PTPRQ: variants seen among roughly 807,000 people sequenced by gnomAD.
The protein encoded by PTPRQ is phosphatidylinositol phosphatase PTPRQ.
Under a neutral mutation model 246.0 loss-of-function variants are expected in PTPRQ, and 199 were observed. The observed-to-expected ratio is 0.81, with a 90% CI of 0.72 to 0.91. PTPRQ has a LOEUF of 0.91. Ranked by LOEUF, PTPRQ falls within the 40% of genes least tolerant of loss-of-function variation. The pLI is 0.00. For synonymous variants in PTPRQ, 869 were observed against 853.2 expected (o/e 1.02, Z -0.32); for missense variants, 2,624 against 2,528.4 (o/e 1.04, Z -0.81).
chr12:80,578,118 G>A (rs1268421275), intron 25 of PTPRQ, among the ~76,000 whole-genome samples: 3 of 150,494 alleles, frequency 2.0e-5, no homozygotes, highest in African/African-American at 4.9e-5. Flanking sequence ...TGTGCACAAC[G>A]TGCAGGTTTG....
chr12:80,482,271 G>C (rs1046688018), intron 8 of PTPRQ, among the ~76,000 whole-genome samples: 12 of 150,954 alleles, frequency 7.9e-5, no homozygotes, highest in African/African-American at 2.9e-4. Flanking sequence ...ACAAGCAATG[G>C]GGAAAGGATT....
chr12:80,531,667 A>G (rs1048237314), intron 17 of PTPRQ, among the ~76,000 whole-genome samples: 1 of 152,240 alleles, frequency 6.6e-6, no homozygotes, highest in Non-Finnish European at 1.5e-5. Flanking sequence ...TATCAGTTTT[A>G]TAGCAAATAA....
chr12:80,542,370 C>A lies in PTPRQ; in HGVS notation c.3721+6C>A. ...CTTTTACACAGATGAGTCAGGTAAGCCAGAATCCACATTTCTTCAAACAAT... is the reference window on the plus strand; with the variant it reads ...CTTTTACACAGATGAGTCAGGTAAGACAGAATCCACATTTCTTCAAACAAT... On this transcript the variant is annotated splice_donor_region_variant and intron_variant, in intron 22 of 44. Transcript: ENST00000644991. 6.6e-7 allele frequency: 1 copy of A among 1,522,662 alleles called. No homozygotes were observed. The highest frequency in any genetic ancestry group is 8.8e-7 in the Non-Finnish European group (1 of 1,140,248). 94.3% of individuals were successfully genotyped at this position (1,522,662 alleles called of 1,614,324 possible). A position where few individuals can be genotyped will look rare whatever the true frequency, so the allele number is the denominator to read the frequency against.
intron 43 of PTPRQ, among the ~76,000 whole-genome samples, chr12:80,677,561 A>C (rs1276225191): frequency 1.3e-5 from 2 of 152,234 alleles, no homozygotes; most frequent in Admixed American, 6.5e-5. Flanking sequence ...TATTATAGGT[A>C]ATCAGAATAT....
chr12:80,529,052 C>T (rs942275744), intron 17 of PTPRQ, among the ~76,000 whole-genome samples: 7 of 152,128 alleles, frequency 4.6e-5, no homozygotes, highest in African/African-American at 1.7e-4. Flanking sequence ...GCTAGAACAG[C>T]TTTAGGAATG....
Position 80,496,349 on chromosome 12 carries a change from TTGCTTATGAAG to T in PTPRQ, c.2095_2105del (p.Tyr699IlefsTer2). 6.4e-7 allele frequency: 1 copy of T among 1,550,836 alleles called. No individual in the cohort carries two copies. Among genetic ancestry groups the T allele is most frequent in the Non-Finnish European group, 8.7e-7 (1 of 1,146,486 alleles). On this transcript the variant is annotated frameshift_variant, in exon 14 of 45. Transcript: ENST00000644991. LOFTEE classifies it high-confidence loss of function. ...CCCGAAAAGCCCAATGGGATCATTA[TTGCTTATGAAG>T]TGCTATATAAAAATATAGATACTTT...
intron 42 of PTPRQ, among the ~76,000 whole-genome samples, chr12:80,671,382 G>T (rs1372907539): frequency 6.6e-6 from 1 of 151,952 alleles, no homozygotes; most frequent in African/African-American, 2.4e-5. Flanking sequence ...TTTTATGCTG[G>T]CATCACTGAT....
At chr12:80,455,764 C>T (rs950493804) in intron 3 of PTPRQ, among the ~76,000 whole-genome samples, 4 of 129,400 alleles carry the variant, frequency 3.1e-5, no homozygotes, top group Admixed American at 7.5e-5. Context: ...CTAATTTTTT[C>T]GTATTTTATT....
intron 19 of PTPRQ, among the ~76,000 whole-genome samples, chr12:80,535,745 C>A (rs1565771028): frequency 6.6e-6 from 1 of 152,152 alleles, no homozygotes; most frequent in Non-Finnish European, 1.5e-5. Flanking sequence ...TTTCACAGAA[C>A]TCTAACATAT....
At position 80,542,727 on chromosome 12, in the gene PTPRQ, C is replaced by T; in HGVS notation, c.3722-3C>T. ...GTAAGTTTCTTCATGTGTTTTCCTA[C>T]AGTGCCGTTAGCACCTCCACAAAAT... On this transcript the variant is annotated splice_polypyrimidine_tract_variant and splice_region_variant and intron_variant, in intron 22 of 44. Transcript: ENST00000644991. 6.5e-7 allele frequency: 1 copy of T among 1,534,474 alleles called. No individual in the cohort carries two copies. Among genetic ancestry groups the T allele is most frequent in the Non-Finnish European group, 8.8e-7 (1 of 1,141,456 alleles).
intron 9 of PTPRQ, among the ~76,000 whole-genome samples, chr12:80,485,337 C>A (rs1894238129): frequency 6.6e-6 from 1 of 152,114 alleles, no homozygotes; most frequent in African/African-American, 2.4e-5. Context: ...ACTGGCTGCT[C>A]CCCGGGGCAT....
At chr12:80,472,037 T>A in intron 7 of PTPRQ, 68 bp from the exon 8 acceptor site, 1 of 1,533,412 alleles carries the variant, frequency 6.5e-7, no homozygotes, top group Middle Eastern at 1.7e-4. Context: ...TTTGGCTCTG[T>A]ACTTAAATGT....
intron 14 of PTPRQ, among the ~76,000 whole-genome samples, chr12:80,505,204 G>T (rs1195777862): frequency 6.6e-6 from 1 of 151,810 alleles, no homozygotes; most frequent in Non-Finnish European, 1.5e-5. Context: ...GGCAAAACTG[G>T]CTTTAGTATC....
chr12:80,652,946 A>C, intron 38 of PTPRQ, 112 bp downstream of exon 38: 1 of 1,178,662 alleles, frequency 8.5e-7, no homozygotes, highest in Non-Finnish European at 1.1e-6. Context: ...AATTATAATA[A>C]TGTATTTTAT....
chr12:80,635,816 T>C (rs1378737272), intron 35 of PTPRQ, among the ~76,000 whole-genome samples: 5 of 152,190 alleles, frequency 3.3e-5, no homozygotes, highest in African/African-American at 1.2e-4. Flanking sequence ...TTTGCATTTT[T>C]ATAAGATTCA....
At chr12:80,555,584 A>T (rs1198900961) in intron 25 of PTPRQ, among the ~76,000 whole-genome samples, 2 of 151,148 alleles carry the variant, frequency 1.3e-5, no homozygotes, top group African/African-American at 2.5e-5. Flanking sequence ...AAGTTGCATG[A>T]TTCTGATTGC....
intron 35 of PTPRQ, among the ~76,000 whole-genome samples, chr12:80,644,925 T>C (rs1484411965): frequency 6.6e-6 from 1 of 152,044 alleles, no homozygotes; most frequent in Non-Finnish European, 1.5e-5. Context: ...AGTCAGGTAA[T>C]GTACCTCAAA....
At chr12:80,528,038 T>C (rs1379523123) in intron 17 of PTPRQ, among the ~76,000 whole-genome samples, 2 of 151,920 alleles carry the variant, frequency 1.3e-5, no homozygotes, top group African/African-American at 2.4e-5. Flanking sequence ...CTGCAGTGAG[T>C]TGTGATCATA....
chr12:80,640,731 A>G (rs1311738933), intron 35 of PTPRQ, among the ~76,000 whole-genome samples: 1 of 151,916 alleles, frequency 6.6e-6, no homozygotes, highest in Non-Finnish European at 1.5e-5. Flanking sequence ...TTAATGCACT[A>G]TTTTTTCCAA....
Sources: allele counts gnomAD v4.1 joint callset (sites outside exome capture counted in the v4.1 genomes callset), GRCh38; gene constraint gnomAD v4.1.1; transcripts MANE v1.5; gene names NCBI Gene and HGNC (gene_info 2026-07-23, HGNC 2026-07-21).